The following CTNNA2 variants were observed in gnomAD, a reference collection of about 807,000 sequenced individuals.
CTNNA2 encodes the protein catenin alpha-2.
In CTNNA2, 42 loss-of-function variants were observed where a neutral mutation model predicts 101.0. That is an observed-to-expected ratio of 0.42 (90% CI 0.32 to 0.54). CTNNA2 has a LOEUF of 0.54. Ranked by LOEUF, CTNNA2 falls within the 20% of genes least tolerant of loss-of-function variation. The pLI, the probability that CTNNA2 is intolerant of heterozygous loss-of-function variation, is 0.14. For missense variants in CTNNA2, 871 were observed against 1,223.1 expected (o/e 0.71, Z 4.29); for synonymous variants, 450 against 456.4 (o/e 0.99, Z 0.18).
chr2:79,600,403 C>A (rs1677476107), intron 1 of CTNNA2, among the ~76,000 whole-genome samples: 1 of 152,110 alleles, frequency 6.6e-6, no homozygotes, highest in Admixed American at 6.5e-5. Context: ...GTCTCAAACT[C>A]CTGGGCTCAA....
At chr2:79,559,502 C>A (rs1291528849) in intron 1 of CTNNA2, among the ~76,000 whole-genome samples, 1 of 151,888 alleles carries the variant, frequency 6.6e-6, no homozygotes. Context: ...AGAAATATTG[C>A]AGAGACATAG....
intron 7 of CTNNA2, among the ~76,000 whole-genome samples, chr2:80,205,601 C>CTTATT: frequency 6.6e-6 from 1 of 152,172 alleles, no homozygotes; most frequent in South Asian, 2.1e-4. Flanking sequence ...CAGCAAATGA[C>CTTATT]CACACACATT....
chr2:79,869,485 A>G (rs1394116654), intron 4 of CTNNA2, among the ~76,000 whole-genome samples: 3 of 152,212 alleles, frequency 2.0e-5, no homozygotes, highest in Non-Finnish European at 4.4e-5. Context: ...CTTAACTTCA[A>G]TATTTTTTCT....
chr2:80,638,293 G>C (rs1673083590), intron 18 of CTNNA2, among the ~76,000 whole-genome samples: 1 of 150,698 alleles, frequency 6.6e-6, no homozygotes. Flanking sequence ...TGTGACATAA[G>C]GACTGTCTGC....
intron 7 of CTNNA2, among the ~76,000 whole-genome samples, chr2:80,043,168 TCC>T (rs1696281543): frequency 2.0e-5 from 2 of 100,458 alleles, no homozygotes; most frequent in African/African-American, 9.7e-5. Context: ...CTTCCTTCCT[TCC>T]TTCCTTCCTT....
chr2:79,381,851 T>A (rs1486632819), intron 4 of CTNNA2, among the ~76,000 whole-genome samples: 1 of 152,214 alleles, frequency 6.6e-6, no homozygotes, highest in South Asian at 2.1e-4. Context: ...AGTCTTTTGC[T>A]GTTGGGTTCC....
intron 4 of CTNNA2, among the ~76,000 whole-genome samples, chr2:79,445,472 G>A (rs1678822843): frequency 6.6e-6 from 1 of 152,162 alleles, no homozygotes; most frequent in Non-Finnish European, 1.5e-5. Context: ...TGATTTGGTG[G>A]AAATTAAATA....
chr2:79,778,125 T>G (rs1165018571), intron 3 of CTNNA2, among the ~76,000 whole-genome samples: 2 of 151,946 alleles, frequency 1.3e-5, no homozygotes, highest in Non-Finnish European at 2.9e-5. Flanking sequence ...GTGGATCGCC[T>G]GAGCTCAGGA....
chr2:79,367,882 G>A (rs893927864), intron 3 of CTNNA2, among the ~76,000 whole-genome samples: 2 of 152,128 alleles, frequency 1.3e-5, no homozygotes, highest in African/African-American at 4.8e-5. Context: ...ATAATCTGCA[G>A]TCTATAGATA....
intron 18 of CTNNA2, among the ~76,000 whole-genome samples, chr2:80,635,171 T>C (rs1016241311): frequency 6.6e-5 from 10 of 152,160 alleles, no homozygotes; most frequent in Admixed American, 6.6e-4. Flanking sequence ...TACACAGTAA[T>C]CATTTGAAAA....
At chr2:80,589,905 T>TGCGTGC (rs1696310702) in intron 15 of CTNNA2, among the ~76,000 whole-genome samples, 1 of 114,498 alleles carries the variant, frequency 8.7e-6, no homozygotes, top group African/African-American at 3.1e-5. Context: ...TGTGTGTGTG[T>TGCGTGC]GCGCGCGCGC....
At chr2:79,956,687 C>G (rs1689243987) in intron 7 of CTNNA2, among the ~76,000 whole-genome samples, 1 of 152,152 alleles carries the variant, frequency 6.6e-6, no homozygotes, top group Admixed American at 6.5e-5. Flanking sequence ...CATCCAGTTT[C>G]AATGCATACC....
intron 7 of CTNNA2, among the ~76,000 whole-genome samples, chr2:80,048,475 C>T (rs1696669603): frequency 6.6e-6 from 1 of 152,088 alleles, no homozygotes; most frequent in Admixed American, 6.6e-5. Context: ...TATTTCCTAT[C>T]AGAGCTGAGA....
chr2:80,428,519 A>G (rs1335024622), intron 9 of CTNNA2, among the ~76,000 whole-genome samples: 1 of 152,108 alleles, frequency 6.6e-6, no homozygotes, highest in East Asian at 1.9e-4. Flanking sequence ...TGAGACAGAG[A>G]AGAGTCTGGG....
In CTNNA2 at chr2:79,877,789, A is replaced by C. The variant is rs117853321; in HGVS notation, c.852+3447A>C. Among the ~76,000 whole-genome samples, 576 of 152,328 alleles carry C rather than the reference A, an allele frequency of 3.8e-3. 10 individuals are homozygous for C. In the East Asian group the frequency reaches 0.044, roughly 12 times the overall value. ...AAATGCTGAAGTAAAAGGAACCATA[A>C]AAATGCAAAATATATTTTCATAGAC... On this transcript the variant is annotated intron_variant, in intron 6 of 18. Transcript: ENST00000402739.
chr2:79,242,539 G>C (rs1422958511), intron 2 of CTNNA2, among the ~76,000 whole-genome samples: 1 of 152,006 alleles, frequency 6.6e-6, no homozygotes, highest in Non-Finnish European at 1.5e-5. Context: ...CAACACTTTA[G>C]CACTCATCTC....
At chr2:79,917,067 A>T (rs7590776) in intron 7 of CTNNA2, among the ~76,000 whole-genome samples, 90,513 of 151,160 alleles carry the variant, frequency 0.6, 27,360 homozygotes, top group East Asian at 0.78. Flanking sequence ...AGCCTTATTT[A>T]TTTATTTATT....
At chr2:79,644,163 G>T (rs961587306) in intron 1 of CTNNA2, among the ~76,000 whole-genome samples, 2 of 152,010 alleles carry the variant, frequency 1.3e-5, no homozygotes, top group Non-Finnish European at 2.9e-5. Context: ...TCAGCCTCCC[G>T]AGTAGCTGGG....
At chr2:79,923,798 T>A (rs981804888) in intron 7 of CTNNA2, among the ~76,000 whole-genome samples, 1 of 152,156 alleles carries the variant, frequency 6.6e-6, no homozygotes, top group East Asian at 1.9e-4. Flanking sequence ...TCTGTTTCTA[T>A]GGGATCCGCT....
Sources: gnomAD v4.1 joint callset for allele counts (sites outside exome capture counted in the v4.1 genomes callset) on GRCh38, gnomAD v4.1.1 for gene constraint, MANE v1.5 for transcripts, NCBI Gene and HGNC (gene_info 2026-07-23, HGNC 2026-07-21) for gene names.